TRPS1: variants seen among roughly 807,000 people sequenced by gnomAD.
TRPS1 encodes transcriptional repressor GATA binding 1.
Under a neutral mutation model 101.2 loss-of-function variants are expected in TRPS1, and 6 were observed. That is an observed-to-expected ratio of 0.06 (90% CI 0.03 to 0.12). The LOEUF (loss-of-function observed/expected upper bound fraction) is 0.12. Ranked by LOEUF, TRPS1 falls within the 10% of genes least tolerant of loss-of-function variation. The probability of loss-of-function intolerance (pLI) is 1.00; values close to 1 mark genes in which losing one functional copy is unlikely to be tolerated. For synonymous variants in TRPS1, 578 were observed against 589.8 expected, an observed-to-expected ratio of 0.98 and a Z score of 0.29; for missense variants, 1,363 against 1,567.0, an observed-to-expected ratio of 0.87 and a Z score of 2.20.
At position 115,418,036 on chromosome 8, in the gene TRPS1, T is replaced by C. The variant is rs1812964299; in HGVS notation, c.2823+294A>G. Among the ~76,000 whole-genome samples, 1 of 152,218 alleles carries C rather than the reference T, an allele frequency of 6.6e-6. No individual in the cohort carries two copies. Among genetic ancestry groups the C allele is most frequent in the Non-Finnish European group, 1.5e-5 (1 of 68,046 alleles). On this transcript the variant is annotated intron_variant, in intron 6 of 6. Coordinates refer to ENST00000395715, the MANE Select transcript of TRPS1 (RefSeq NM_014112.5). The surrounding 1 kb of genome is among the most constrained non-coding windows in gnomAD (Gnocchi z 4.3). Reference sequence around the variant, plus strand: ...TTTCTCCTTTTTACCTAAAATAATTTCATTGAATTCTGATAACCATTAGTT... The same window carrying C: ...TTTCTCCTTTTTACCTAAAATAATTCCATTGAATTCTGATAACCATTAGTT...
intron 1 of TRPS1, among the ~76,000 whole-genome samples, chr8:115,665,111 A>T (rs1156363728): frequency 6.6e-6 from 1 of 152,186 alleles, no homozygotes; most frequent in African/African-American, 2.4e-5. Context: ...AAATATAATT[A>T]TTCTAAAATA....
intron 5 of TRPS1, among the ~76,000 whole-genome samples, chr8:115,490,911 T>C (rs1460255856): frequency 6.6e-6 from 1 of 152,214 alleles, no homozygotes; most frequent in Admixed American, 6.5e-5. Flanking sequence ...AAAGATTCTC[T>C]GCATTTATAA....
At position 115,413,702 on chromosome 8, in the gene TRPS1, T is replaced by A; in HGVS notation, c.*321A>T. 3 of 272,980 alleles carry A rather than the reference T, an allele frequency of 1.1e-5. No individual in the cohort carries two copies. In the East Asian group the frequency reaches 2.8e-4, roughly 25 times the overall value. The allele number at this position is 272,980 out of a possible 1,614,324, so 16.9% of individuals were successfully genotyped here. A position where few individuals can be genotyped will look rare whatever the true frequency, so the allele number is the denominator to read the frequency against. On this transcript the variant is annotated 3_prime_UTR_variant, in exon 7 of 7. Transcript: ENST00000395715. ...TCTAGACAGTTTTGGTCTCTTTCTT[T>A]ATAAATATATTAATTCTAGTCTGGT... is the stretch of plus-strand genomic sequence containing the variant.
intron 5 of TRPS1, among the ~76,000 whole-genome samples, chr8:115,584,842 T>A (rs1222736186): frequency 1.3e-5 from 2 of 152,116 alleles, no homozygotes; most frequent in Non-Finnish European, 2.9e-5. Context: ...ATAACCTAAA[T>A]GTTGCCCAAT....
intron 5 of TRPS1, among the ~76,000 whole-genome samples, chr8:115,534,274 G>A (rs1816225685): frequency 6.7e-6 from 1 of 150,320 alleles, no homozygotes; most frequent in Admixed American, 6.6e-5. Context: ...GGAGATTGAA[G>A]CTCTAACCCC....
At chr8:115,603,706 AACT>A (rs1817959674) in intron 4 of TRPS1, among the ~76,000 whole-genome samples, 164 bp downstream of exon 4, 2 of 152,224 alleles carry the variant, frequency 1.3e-5, no homozygotes. Context: ...TCACAGCTGT[AACT>A]ATATCACCTG....
intron 5 of TRPS1, among the ~76,000 whole-genome samples, chr8:115,583,626 A>G (rs1441208141): frequency 6.6e-6 from 1 of 152,026 alleles, no homozygotes; most frequent in African/African-American, 2.4e-5. Flanking sequence ...ACAAGAAAAT[A>G]CTCAAAAATT....
rs1286934831 is a variant in TRPS1 at position 115,605,070 on chromosome 8, G to T, written c.967-68C>A. 7 of 1,465,112 alleles carry T rather than the reference G, an allele frequency of 4.8e-6. No homozygotes were observed. The African/African-American group carries it at 6.9e-5, about 15-fold the overall frequency. The allele number at this position is 1,465,112 out of a possible 1,614,324, so 90.8% of individuals were successfully genotyped here. On this transcript the variant is annotated intron_variant, in intron 3 of 6. Coordinates refer to ENST00000395715, the MANE Select transcript of TRPS1 (RefSeq NM_014112.5). Reference sequence around the variant, plus strand: ...AATTCAATGGGCCCTCTGCAGGGGAGGGGGAGGGTACTGCCAAGTATTCCA... The same window carrying T: ...AATTCAATGGGCCCTCTGCAGGGGATGGGGAGGGTACTGCCAAGTATTCCA...
intron 5 of TRPS1, among the ~76,000 whole-genome samples, chr8:115,494,863 T>C (rs141339552): frequency 2.0e-4 from 31 of 152,326 alleles, no homozygotes; most frequent in African/African-American, 6.7e-4. Context: ...AGGATGTTTT[T>C]CGCTTGAAAG....
At chr8:115,486,065 GCA>G (rs1814871366) in intron 5 of TRPS1, among the ~76,000 whole-genome samples, 2 of 152,104 alleles carry the variant, frequency 1.3e-5, no homozygotes, top group South Asian at 4.1e-4. Flanking sequence ...TCAGTTTGTG[GCA>G]ACCCTGCATC....
rs1816546938 is a variant in TRPS1 at position 115,545,404 on chromosome 8, T to G, written c.2700+41597A>C. Among the ~76,000 whole-genome samples, 5 of 152,312 alleles carry G rather than the reference T, an allele frequency of 3.3e-5. 1 individual carries two copies. In the South Asian group the frequency reaches 1.0e-3, roughly 32 times the overall value. Reference sequence around the variant, plus strand: ...GAAGACGTCAAGTTTAATAGTTAACTCTGTGTTTTCTTAAATATTCTCTCT... The same window carrying G: ...GAAGACGTCAAGTTTAATAGTTAACGCTGTGTTTTCTTAAATATTCTCTCT... On this transcript the variant is annotated intron_variant, in intron 5 of 6. Transcript: ENST00000395715.
intron 5 of TRPS1, among the ~76,000 whole-genome samples, chr8:115,544,447 C>T (rs1356353276): frequency 2.0e-5 from 3 of 151,894 alleles, no homozygotes; most frequent in Admixed American, 6.6e-5. Flanking sequence ...CCTGTACCTC[C>T]CTGGCATCTG....
At chr8:115,519,683 GT>G (rs1815810071) in intron 5 of TRPS1, among the ~76,000 whole-genome samples, 1 of 151,226 alleles carries the variant, frequency 6.6e-6, no homozygotes, top group South Asian at 2.1e-4. Context: ...AATTCAAAAG[GT>G]TTTGTCCCAT....
intron 5 of TRPS1, among the ~76,000 whole-genome samples, chr8:115,509,102 C>T (rs968819827): frequency 2.6e-5 from 4 of 151,860 alleles, no homozygotes; most frequent in African/African-American, 9.7e-5. Flanking sequence ...GTGTGTAAGG[C>T]TGGAAAGAAA....
chr8:115,565,525 G>C (rs1453330732), intron 5 of TRPS1, among the ~76,000 whole-genome samples: 3 of 150,802 alleles, frequency 2.0e-5, no homozygotes, highest in Non-Finnish European at 4.4e-5. Flanking sequence ...ACATACTGGA[G>C]TTCATTGTTT....
chr8:115,583,136 T>C (rs1045660205), intron 5 of TRPS1, among the ~76,000 whole-genome samples: 9 of 152,208 alleles, frequency 5.9e-5, no homozygotes, highest in Non-Finnish European at 1.3e-4. Flanking sequence ...TTTTCTGCAA[T>C]GGAATATCCA....
At position 115,478,458 on chromosome 8, in the gene TRPS1, G is replaced by A. The variant is rs141524455; in HGVS notation, c.2701-60006C>T. On this transcript the variant is annotated intron_variant, in intron 5 of 6. Coordinates refer to ENST00000395715, the MANE Select transcript of TRPS1 (RefSeq NM_014112.5). ...CCCATGCTTGCTTGTGGGTGGAGCA[G>A]TTAAATTTTCAACATGAGCACAAAG... is the stretch of plus-strand genomic sequence containing the variant. Among the ~76,000 whole-genome samples the A allele has an allele frequency of 7.9e-4, 121 of 152,250 alleles. 1 individual carries two copies. The East Asian group carries it at 0.012, about 15-fold the overall frequency.
chr8:115,549,727 C>A (rs1816660284), intron 5 of TRPS1, among the ~76,000 whole-genome samples: 1 of 146,668 alleles, frequency 6.8e-6, no homozygotes, highest in Non-Finnish European at 1.5e-5. Context: ...AGATTTAAGA[C>A]ACAGGAAGTG....
At chr8:115,508,536 AT>A (rs1815502220) in intron 5 of TRPS1, among the ~76,000 whole-genome samples, 1 of 152,028 alleles carries the variant, frequency 6.6e-6, no homozygotes, top group Non-Finnish European at 1.5e-5. Context: ...GTGAGCTTAT[AT>A]TTTATATCAG....
Sources: allele counts gnomAD v4.1 joint callset (sites outside exome capture counted in the v4.1 genomes callset), GRCh38; gene constraint gnomAD v4.1.1; non-coding constraint Gnocchi (gnomAD v3.1); transcripts MANE v1.5; gene names NCBI Gene and HGNC (gene_info 2026-07-23, HGNC 2026-07-21).